Variants in PLEKHA8 observed in about 807,000 individuals in gnomAD.
The protein encoded by PLEKHA8 is pleckstrin homology domain-containing family A member 8.
In PLEKHA8, 36 loss-of-function variants were observed where a neutral mutation model predicts 68.2. The ratio of observed to expected loss-of-function variants is 0.53; its 90% CI spans 0.40 to 0.70. The LOEUF (loss-of-function observed/expected upper bound fraction) is 0.70. PLEKHA8 is among the 30% of genes least tolerant of loss of function. The pLI is 0.00. For synonymous variants in PLEKHA8, 211 were observed against 216.1 expected, an observed-to-expected ratio of 0.98 and a Z score of 0.20; for missense variants, 505 against 615.4, an observed-to-expected ratio of 0.82 and a Z score of 1.90.
downstream of PLEKHA8, among the ~76,000 whole-genome samples, chr7:30,089,281 T>C (rs1006904578): frequency 6.6e-6 from 1 of 152,114 alleles, no homozygotes; most frequent in African/African-American, 2.4e-5. Context: ...AAAGAATCAC[T>C]TATCCAAGTG....
At chr7:30,041,504 C>G (rs527540550) in intron 1 of PLEKHA8, among the ~76,000 whole-genome samples, 4 of 149,246 alleles carry the variant, frequency 2.7e-5, no homozygotes, top group South Asian at 2.1e-4. Context: ...ACTGTAGTCT[C>G]GAACTCCTAG....
chr7:30,047,975 A>C lies in PLEKHA8; in HGVS notation c.438+19A>C. ...TTCTGAGGTAAAATATTATTTATTA[A>C]TATTATTAATATACATGAATAATAT... is the stretch of plus-strand genomic sequence containing the variant. On this transcript the variant is annotated intron_variant, in intron 4 of 13. Coordinates refer to ENST00000449726, the MANE Select transcript of PLEKHA8 (RefSeq NM_001197026.2). 8.0e-7 allele frequency: 1 copy of C among 1,248,702 alleles called. No individual in the cohort carries two copies. Among genetic ancestry groups the C allele is most frequent in the Non-Finnish European group, 1.0e-6 (1 of 962,650 alleles). 77.4% of individuals were successfully genotyped at this position (1,248,702 alleles called of 1,614,324 possible). A position where few individuals can be genotyped will look rare whatever the true frequency, so the allele number is the denominator to read the frequency against.
chr7:30,049,640 A>G (rs1792250117), intron 5 of PLEKHA8, among the ~76,000 whole-genome samples: 1 of 152,154 alleles, frequency 6.6e-6, no homozygotes, highest in Non-Finnish European at 1.5e-5. Context: ...AAGTTGTGAT[A>G]GTCTTCTAAC....
At position 30,060,869 on chromosome 7, in the gene PLEKHA8, A is replaced by C; in HGVS notation, c.1040-15A>C. 6.2e-7 allele frequency: 1 copy of C among 1,605,048 alleles called. No homozygotes were observed. Among genetic ancestry groups the C allele is most frequent in the South Asian group, 1.1e-5 (1 of 88,156 alleles). On this transcript the variant is annotated splice_polypyrimidine_tract_variant and intron_variant, in intron 9 of 13. Transcript: ENST00000449726. ...AAATTGCTTTTTCAGAAATGTTTTTAATCTTTTCTTCTAGACAAACTTGGC... is the reference window on the plus strand; with the variant it reads ...AAATTGCTTTTTCAGAAATGTTTTTCATCTTTTCTTCTAGACAAACTTGGC...
At chr7:30,123,930 A>G (rs1443751797) in intron 13 of PLEKHA8, among the ~76,000 whole-genome samples, 6 of 152,218 alleles carry the variant, frequency 3.9e-5, no homozygotes, top group Non-Finnish European at 8.8e-5. Flanking sequence ...TAATACCAAA[A>G]CATTGATGGC....
Position 30,078,740 on chromosome 7 carries a change from G to C in PLEKHA8, c.1513G>C (p.Asp505His). 1.9e-6 allele frequency: 3 copies of C among 1,613,790 alleles called. No individual in the cohort carries two copies. The highest frequency in any genetic ancestry group is 2.5e-6 in the Non-Finnish European group (3 of 1,179,782). The change falls in exon 14 of 14, where the codon GAC (aspartate) becomes CAC (histidine). Residue 505 changes from aspartate to histidine, a missense_variant. Transcript: ENST00000449726. ...CATGGAGAAGCAGCTGGCCATACTG[G>C]ACACTTTATATGAGGTCCACGGGCT... ...PAMEKQLAIL[D>H]TLYEVHGLES...
intron 13 of PLEKHA8, among the ~76,000 whole-genome samples, chr7:30,115,160 A>ATTT (rs1158962767): frequency 1.3e-5 from 2 of 152,056 alleles, no homozygotes; most frequent in African/African-American, 4.8e-5. Flanking sequence ...ATTTAAAATA[A>ATTT]TTTTTGCTGT....
intron 12 of PLEKHA8, among the ~76,000 whole-genome samples, chr7:30,089,839 C>CA (rs138735088): frequency 0.1 from 15,492 of 152,116 alleles, 865 homozygotes; most frequent in Middle Eastern, 0.14. Context: ...AGGCAGATGA[C>CA]AGAGATAAGA....
chr7:30,117,973 C>T (rs1796621578), intron 13 of PLEKHA8: 1 of 1,530,644 alleles, frequency 6.5e-7, no homozygotes, highest in East Asian at 2.5e-5. Flanking sequence ...CTAACAGGGA[C>T]ACACAAATGT....
intron 13 of PLEKHA8, among the ~76,000 whole-genome samples, chr7:30,108,067 CAAAAAAAAAAAAAA>C (rs796801365): frequency 3.2e-4 from 17 of 52,832 alleles, no homozygotes; most frequent in African/African-American, 1.2e-3. Flanking sequence ...AACTCCATCT[CAAAAAAAAAAAAAA>C]AAAAAAAAAA....
rs1034090721 is a variant in PLEKHA8 at position 30,115,864 on chromosome 7, A to G, written c.1363-13402A>G. On this transcript the variant is annotated intron_variant, in intron 13 of 13. Coordinates refer to the PLEKHA8 transcript ENST00000396257. Reference sequence around the variant, plus strand: ...TATACACGTATGCATACATACGTGCACATACATGTAGGCACGCATACATGC... The same window carrying G: ...TATACACGTATGCATACATACGTGCGCATACATGTAGGCACGCATACATGC... The G allele has an allele frequency of 1.5e-4, 22 of 150,854 alleles. 2 individuals carry two copies. The highest frequency in any genetic ancestry group is 4.6e-4 in the African/African-American group (19 of 41,088). The allele number at this position is 150,854 out of a possible 1,614,324, so 9.3% of individuals were successfully genotyped here. A position where few individuals can be genotyped will look rare whatever the true frequency, so the allele number is the denominator to read the frequency against.
intron 13 of PLEKHA8, among the ~76,000 whole-genome samples, chr7:30,127,956 A>G (rs906668187): frequency 2.6e-5 from 4 of 152,100 alleles, no homozygotes; most frequent in African/African-American, 9.7e-5. Context: ...TTTTTGTGTC[A>G]TGATTTTACC....
intron 13 of PLEKHA8, among the ~76,000 whole-genome samples, chr7:30,104,307 A>G (rs1795980771): frequency 6.6e-6 from 1 of 152,220 alleles, no homozygotes. Flanking sequence ...TGACCCAGCA[A>G]TAACGCTGCT....
chr7:30,088,206 A>G (rs1795255099), downstream of PLEKHA8, among the ~76,000 whole-genome samples: 1 of 152,248 alleles, frequency 6.6e-6, no homozygotes, highest in African/African-American at 2.4e-5. Flanking sequence ...CACTCAGAGT[A>G]TAAATAATTT....
chr7:30,121,901 T>G (rs1300025795), intron 13 of PLEKHA8, among the ~76,000 whole-genome samples: 1 of 152,228 alleles, frequency 6.6e-6, no homozygotes, highest in Non-Finnish European at 1.5e-5. Context: ...TAGAGTTGCT[T>G]GGAGCTATTC....
chr7:30,099,738 A>G (rs11762543), intron 13 of PLEKHA8, among the ~76,000 whole-genome samples: 25,191 of 152,250 alleles, frequency 0.17, 2,091 homozygotes, highest in Middle Eastern at 0.21. Context: ...ATTCTGGGAA[A>G]TGGAGAGTGG....
chr7:30,099,447 G>C (rs1229106377), intron 13 of PLEKHA8, among the ~76,000 whole-genome samples: 1 of 152,226 alleles, frequency 6.6e-6, no homozygotes, highest in Non-Finnish European at 1.5e-5. Context: ...TAGGAACCCA[G>C]AGTGCGGAGT....
At chr7:30,084,953 T>C (rs1795119599), downstream of PLEKHA8, among the ~76,000 whole-genome samples, 2 of 151,042 alleles carry the variant, frequency 1.3e-5, no homozygotes, top group East Asian at 1.9e-4. Context: ...TCTTTTCTTT[T>C]TTTTTTTTTT....
rs1793374963 is a variant in PLEKHA8 at position 30,060,796 on chromosome 7, A to T, written c.1040-88A>T. The T allele has an allele frequency of 4.2e-5, 43 of 1,023,422 alleles. No individual in the cohort carries two copies. The South Asian group carries it at 6.2e-4, about 15-fold the overall frequency. 63.4% of individuals were successfully genotyped at this position (1,023,422 alleles called of 1,614,324 possible). A position where few individuals can be genotyped will look rare whatever the true frequency, so the allele number is the denominator to read the frequency against. Reference sequence around the variant, plus strand: ...GAAGCAAAAATTAAAGTTGTTGGGGATCTGCTAAATTTATTATTACTTTAT... The same window carrying T: ...GAAGCAAAAATTAAAGTTGTTGGGGTTCTGCTAAATTTATTATTACTTTAT... On this transcript the variant is annotated intron_variant, in intron 9 of 13. Coordinates refer to ENST00000449726, the MANE Select transcript of PLEKHA8 (RefSeq NM_001197026.2).
Sources: allele counts gnomAD v4.1 joint callset (sites outside exome capture counted in the v4.1 genomes callset), GRCh38; gene constraint gnomAD v4.1.1; transcripts MANE v1.5; gene names NCBI Gene and HGNC (gene_info 2026-07-23, HGNC 2026-07-21).